The following AGBL4 variants were observed in gnomAD, a reference collection of about 807,000 sequenced individuals.
AGBL4 encodes the protein AGBL carboxypeptidase 4, also known as cytosolic carboxypeptidase 6.
In AGBL4, 58 loss-of-function variants were observed where a neutral mutation model predicts 66.4. That is an observed-to-expected ratio of 0.87 (90% confidence interval 0.71 to 1.09). AGBL4 has a LOEUF of 1.09. AGBL4 is among the 50% of genes least tolerant of loss of function. AGBL4 has a pLI of 0.00. For missense variants in AGBL4, 579 were observed against 631.0 expected (o/e 0.92, Z 0.88); for synonymous variants, 234 against 222.9 (o/e 1.05, Z -0.44).
chr1:49,394,900 C>G (rs1483641780), intron 3 of AGBL4, among the ~76,000 whole-genome samples: 1 of 152,174 alleles, frequency 6.6e-6, no homozygotes, highest in Non-Finnish European at 1.5e-5. Context: ...ATTCTGGTCT[C>G]TCTGCCTAAT....
intron 6 of AGBL4, among the ~76,000 whole-genome samples, chr1:48,855,128 GC>G (rs1303736930): frequency 6.6e-6 from 1 of 152,186 alleles, no homozygotes; most frequent in Non-Finnish European, 1.5e-5. Context: ...CCTGAGGCCT[GC>G]CTTCAGCCTA....
intron 1 of AGBL4, chr1:49,995,161 G>T (rs1032312437): frequency 2.2e-6 from 1 of 456,168 alleles, no homozygotes; most frequent in Admixed American, 2.3e-5. Flanking sequence ...GGGTGACCCA[G>T]GAGAGAAGAT....
intron 5 of AGBL4, among the ~76,000 whole-genome samples, chr1:48,898,406 C>T (rs530450109): frequency 6.6e-6 from 1 of 152,314 alleles, no homozygotes; most frequent in African/African-American, 2.4e-5. Flanking sequence ...AGCACTTCCC[C>T]AGTGTGTTCT....
intron 2 of AGBL4, among the ~76,000 whole-genome samples, chr1:49,722,790 T>G (rs965316456): frequency 6.6e-6 from 1 of 152,152 alleles, no homozygotes; most frequent in Non-Finnish European, 1.5e-5. Context: ...ATTTTTACAT[T>G]AACTTCTCTC....
At chr1:49,964,348 T>C (rs935182213) in intron 1 of AGBL4, among the ~76,000 whole-genome samples, 2 of 152,172 alleles carry the variant, frequency 1.3e-5, no homozygotes, top group Non-Finnish European at 2.9e-5. Flanking sequence ...GAAGTAATAA[T>C]ACCAACTTCA....
intron 1 of AGBL4, among the ~76,000 whole-genome samples, chr1:49,972,596 T>C (rs1397785750): frequency 2.0e-5 from 3 of 152,106 alleles, no homozygotes; most frequent in Non-Finnish European, 2.9e-5. Context: ...ACACAGACAT[T>C]TTATCATCTC....
intron 4 of AGBL4, among the ~76,000 whole-genome samples, chr1:49,049,582 G>T (rs1644163000): frequency 6.6e-6 from 1 of 151,634 alleles, no homozygotes; most frequent in South Asian, 2.1e-4. Flanking sequence ...AAAAAGCAAT[G>T]AAAAAAAGGG....
intron 5 of AGBL4, among the ~76,000 whole-genome samples, chr1:48,903,712 C>T (rs576743194): frequency 6.6e-6 from 1 of 152,180 alleles, no homozygotes; most frequent in Non-Finnish European, 1.5e-5. Flanking sequence ...CTGTGCTAGG[C>T]ATTGGGGAGA....
rs532656891 is a variant in AGBL4, at chr1:48,538,770, G to C, written c.1364+872C>G. 3.3e-5 allele frequency among the ~76,000 whole-genome samples: 5 copies of C among 152,326 alleles called. No individual in the cohort carries two copies. The South Asian group carries it at 1.0e-3, about 32-fold the overall frequency. On this transcript the variant is annotated intron_variant, in intron 12 of 13. Transcript: ENST00000371839. ...TATCAATAACAGCGTAGGGAGGAAG[G>C]TGCATCAGTGCAAAGGCCCTGAGGC...
At chr1:49,120,031 G>T (rs561586563) in intron 4 of AGBL4, among the ~76,000 whole-genome samples, 2 of 152,124 alleles carry the variant, frequency 1.3e-5, no homozygotes, top group African/African-American at 4.8e-5. Context: ...CCATTTGCTT[G>T]GTAGATCTTT....
intron 11 of AGBL4, among the ~76,000 whole-genome samples, chr1:48,540,827 C>T (rs574442274): frequency 1.0e-3 from 158 of 152,278 alleles, no homozygotes; most frequent in Non-Finnish European, 2.0e-3. Context: ...TCATCTTTCT[C>T]CTAGATTGCT....
At chr1:49,591,253 T>C (rs1644746208) in intron 3 of AGBL4, among the ~76,000 whole-genome samples, 1 of 151,418 alleles carries the variant, frequency 6.6e-6, no homozygotes, top group Admixed American at 6.6e-5. Context: ...ATTAACAAAA[T>C]TGACAGATCT....
At chr1:49,693,709 A>T (rs1371913157) in intron 3 of AGBL4, among the ~76,000 whole-genome samples, 2 of 152,224 alleles carry the variant, frequency 1.3e-5, no homozygotes, top group East Asian at 3.9e-4. Flanking sequence ...AAATAACTTC[A>T]AAAAGATAAA....
rs139941873 is a variant in AGBL4, at chr1:48,839,862, T to C, written c.634+27329A>G. ...GACAGAGGGTGCTCACTTAATTGCG[T>C]GTGTATCAACTGCGGCCAAATTTCT... On this transcript the variant is annotated intron_variant, in intron 6 of 13. Coordinates refer to ENST00000371839, the MANE Select transcript of AGBL4 (RefSeq NM_032785.4). Among the ~76,000 whole-genome samples, 51 of 152,260 alleles carry C rather than the reference T, an allele frequency of 3.3e-4. 1 individual carries two copies. In the East Asian group the frequency reaches 9.7e-3, roughly 29 times the overall value.
At chr1:48,872,835 C>CA (rs1280240563) in intron 5 of AGBL4, among the ~76,000 whole-genome samples, 14 of 152,100 alleles carry the variant, frequency 9.2e-5, no homozygotes, top group Non-Finnish European at 7.4e-5. Context: ...GAGCGTACGC[C>CA]AACCCCCAGG....
chr1:48,607,027 G>C (rs904883297), intron 9 of AGBL4, among the ~76,000 whole-genome samples: 4 of 152,100 alleles, frequency 2.6e-5, no homozygotes, highest in Non-Finnish European at 5.9e-5. Context: ...GTTACAATGA[G>C]ATCACTCATG....
chr1:49,327,676 T>C (rs988643036), intron 3 of AGBL4, among the ~76,000 whole-genome samples: 2 of 152,246 alleles, frequency 1.3e-5, no homozygotes, highest in African/African-American at 2.4e-5. Flanking sequence ...ATAGAGGTGC[T>C]AATTCCATTC....
chr1:48,522,870 G>A, the AGBL4 span, among the ~76,000 whole-genome samples: 1 of 151,156 alleles, frequency 6.6e-6, no homozygotes, highest in South Asian at 2.1e-4. Flanking sequence ...AGGTTGCAGT[G>A]AGCCGAGATC....
intron 11 of AGBL4, among the ~76,000 whole-genome samples, chr1:48,575,338 G>T (rs1644635197): frequency 6.6e-6 from 1 of 152,172 alleles, no homozygotes; most frequent in East Asian, 1.9e-4. Context: ...CGATCTCCCA[G>T]GAACACATCC....
Sources: gnomAD v4.1 joint callset for allele counts (sites outside exome capture counted in the v4.1 genomes callset) on GRCh38, gnomAD v4.1.1 for gene constraint, MANE v1.5 for transcripts, NCBI Gene and HGNC (gene_info 2026-07-23, HGNC 2026-07-21) for gene names.